The following MRPS5 variants were observed in gnomAD, a reference collection of about 807,000 sequenced individuals.
MRPS5 encodes small ribosomal subunit protein uS5m.
A neutral mutation model predicts 51.9 loss-of-function variants in MRPS5; 27 were observed. The observed-to-expected ratio is 0.52, with a 90% CI of 0.38 to 0.72. The LOEUF (loss-of-function observed/expected upper bound fraction) is 0.72. Among genes scored for constraint, MRPS5 ranks in the 30% least tolerant of loss-of-function variants. The pLI is 0.00. For missense variants in MRPS5, 570 were observed against 545.7 expected (o/e 1.04, Z -0.44); for synonymous variants, 196 against 193.2 (o/e 1.01, Z -0.12).
intron 10 of MRPS5, chr2:95,090,877 A>G (rs1336834782): frequency 4.8e-6 from 1 of 208,024 alleles, no homozygotes; most frequent in East Asian, 1.2e-4. Context: ...CCTCCTTGAT[A>G]GTTCCGTTGC....
chr2:95,119,731 T>C (rs1319657920), intron 1 of MRPS5, among the ~76,000 whole-genome samples: 1 of 151,830 alleles, frequency 6.6e-6, no homozygotes, highest in Non-Finnish European at 1.5e-5. Flanking sequence ...GAATGTAAAA[T>C]GGTGCAGCTT....
At chr2:95,107,344 A>G (rs1241186218) in intron 5 of MRPS5, among the ~76,000 whole-genome samples, 2 of 152,124 alleles carry the variant, frequency 1.3e-5, no homozygotes, top group Non-Finnish European at 2.9e-5. Context: ...CTGCGGCCAC[A>G]TCACACAACA....
intron 10 of MRPS5, among the ~76,000 whole-genome samples, chr2:95,094,827 G>A (rs1170530767): frequency 2.0e-5 from 3 of 152,078 alleles, no homozygotes; most frequent in African/African-American, 4.8e-5. Flanking sequence ...ATCAACTAAT[G>A]GGAAAAATAA....
In MRPS5 at chr2:95,109,806, G is replaced by A. The variant is rs181088301; in HGVS notation, c.403+110C>T. The A allele has an allele frequency of 4.0e-5, 49 of 1,233,366 alleles. 1 individual carries two copies. Among genetic ancestry groups the A allele is most frequent in the Middle Eastern group, 3.0e-4 (1 of 3,324 alleles). The allele number at this position is 1,233,366 out of a possible 1,614,324, so 76.4% of individuals were successfully genotyped here. A position where few individuals can be genotyped will look rare whatever the true frequency, so the allele number is the denominator to read the frequency against. On this transcript the variant is annotated intron_variant, in intron 4 of 11. Transcript: ENST00000272418. ...TGGTTGAATTCTAAAACCATAGATCGTAGTGCCCTTCATAAGAAATGTTTT... is the reference window on the plus strand; with the variant it reads ...TGGTTGAATTCTAAAACCATAGATCATAGTGCCCTTCATAAGAAATGTTTT...
intron 4 of MRPS5, among the ~76,000 whole-genome samples, chr2:95,109,119 G>T (rs1676041918): frequency 1.3e-5 from 2 of 151,880 alleles, no homozygotes; most frequent in African/African-American, 4.8e-5. Flanking sequence ...CATCCAGGGG[G>T]ACTTCAAGTT....
Position 95,087,367 on chromosome 2 carries a change from G to T in MRPS5, c.1283C>A (p.Ala428Asp). Reference protein sequence around the residue: ...KRSVWSNLKRAAT With the variant: ...KRSVWSNLKRDAT ...ACAAGGCCAGAGAGGTTACGTGGCG[G>T]CTCTCTTCAAATTAGACCACACAGA... Residue 428 changes from alanine (A) to aspartate (D), a missense_variant, in exon 12 of 12, where the codon GCC becomes GAC. Coordinates refer to ENST00000272418, the MANE Select transcript of MRPS5 (RefSeq NM_031902.5). 1.9e-6 allele frequency: 3 copies of T among 1,613,860 alleles called. No homozygotes were observed. The highest frequency in any genetic ancestry group is 2.5e-6 in the Non-Finnish European group (3 of 1,179,786).
chr2:95,114,269 T>A (rs1205264603), intron 3 of MRPS5, among the ~76,000 whole-genome samples: 1 of 151,812 alleles, frequency 6.6e-6, no homozygotes, highest in Admixed American at 6.6e-5. Flanking sequence ...TTTTTTTTTT[T>A]CTTTTGGAGA....
chr2:95,085,787 G>T lies in MRPS5; in HGVS notation c.*1570C>A, dbSNP rs1675272333. 6.6e-6 allele frequency among the ~76,000 whole-genome samples: 1 copy of T among 152,148 alleles called. No individual in the cohort carries two copies. The highest frequency in any genetic ancestry group is 2.1e-4 in the South Asian group (1 of 4,830). On this transcript the variant is annotated 3_prime_UTR_variant, in exon 12 of 12. Transcript: ENST00000272418. Reference sequence around the variant, plus strand: ...AAATAACTCCCAGAGCTTCATAACAGTGAAGATGACCAGGATACAGCCAAA... The same window carrying T: ...AAATAACTCCCAGAGCTTCATAACATTGAAGATGACCAGGATACAGCCAAA...
chr2:95,108,449 C>CTTTTGTTAAAG, intron 4 of MRPS5, 41 bp from the exon 5 acceptor site: 1 of 1,521,452 alleles, frequency 6.6e-7, no homozygotes, highest in South Asian at 1.2e-5. Flanking sequence ...TGTTAAAGTA[C>CTTTTGTTAAAG]TCATTTTTCA....
intron 2 of MRPS5, among the ~76,000 whole-genome samples, chr2:95,117,485 T>A (rs1676316876): frequency 6.7e-6 from 1 of 150,270 alleles, no homozygotes; most frequent in African/African-American, 2.4e-5. Context: ...TGCTTCTTAC[T>A]ATGTTGGAGA....
intron 11 of MRPS5, among the ~76,000 whole-genome samples, chr2:95,088,991 C>A (rs557890360): frequency 5.9e-5 from 9 of 152,230 alleles, no homozygotes; most frequent in Non-Finnish European, 1.3e-4. Context: ...CGCTTGAACC[C>A]GTGAGGCGGA....
chr2:95,091,373 C>T lies in MRPS5; in HGVS notation c.932-851G>A, dbSNP rs1298060006. On this transcript the variant is annotated intron_variant, in intron 10 of 11. Coordinates refer to ENST00000272418, the MANE Select transcript of MRPS5 (RefSeq NM_031902.5). ...CCTCTTCAGACAGGCCTTCTGTGAC[C>T]ATGCTATTCAAGGTGGCATCCTTCC... The T allele has an allele frequency of 4.6e-5, 7 of 152,858 alleles. No individual in the cohort carries two copies. The Admixed American group carries it at 4.6e-4, about 10-fold the overall frequency. The allele number at this position is 152,858 out of a possible 1,614,324, so 9.5% of individuals were successfully genotyped here.
chr2:95,097,924 G>T (rs777929219), intron 10 of MRPS5, among the ~76,000 whole-genome samples: 4 of 152,088 alleles, frequency 2.6e-5, no homozygotes, highest in Admixed American at 2.6e-4. Flanking sequence ...CTACCGAATG[G>T]GAGAAAATTT....
chr2:95,106,313 A>C, intron 6 of MRPS5, 110 bp downstream of exon 6: 1 of 876,142 alleles, frequency 1.1e-6, no homozygotes, highest in South Asian at 1.4e-5. Flanking sequence ...GTGTGTCAGA[A>C]ATAGTCATGC....
rs547323684 is a variant in MRPS5 at position 95,087,529 on chromosome 2, C to G, written c.1121G>C (p.Arg374Pro). The G allele has an allele frequency of 6.2e-6, 10 of 1,614,062 alleles. No individual in the cohort carries two copies. The Admixed American group carries it at 8.3e-5, about 13-fold the overall frequency. Residue 374 changes from arginine (R) to proline (P), a missense_variant, in exon 12 of 12, where the codon CGG (arginine) becomes CCG (proline). Transcript: ENST00000272418. ...AATGGGCAGAGGGCCACATTCCTCC[C>G]GGATTTCCACAACATGGAGGCCCTT... is the stretch of plus-strand genomic sequence containing the variant. ...DKKGLHVVEI[R>P]EECGPLPIVV...
rs1471889805 is a variant in MRPS5 at position 95,115,095 on chromosome 2, T to G, written c.248A>C (p.Gln83Pro). 9.9e-6 allele frequency: 16 copies of G among 1,610,184 alleles called. No individual in the cohort carries two copies. Among genetic ancestry groups the G allele is most frequent in the Non-Finnish European group, 1.4e-5 (16 of 1,179,032 alleles). The change falls in exon 3 of 12, where the codon CAG (glutamine) becomes CCG (proline). Residue 83 changes from glutamine (Q) to proline (P), a missense_variant. Transcript: ENST00000272418. ...AGTGAAGAAACTATATGGTCTATAC[T>G]GCTGGCTCATCAGGTGACTGGGAGA... ...ISSPSHLMSQ[Q>P]YRPYSFFTKL...
chr2:95,112,455 T>C (rs1234168783), intron 3 of MRPS5, among the ~76,000 whole-genome samples: 5 of 152,178 alleles, frequency 3.3e-5, no homozygotes, highest in Non-Finnish European at 7.3e-5. Flanking sequence ...CTCTTAATCA[T>C]GCTAAGTAAC....
intron 3 of MRPS5, among the ~76,000 whole-genome samples, chr2:95,112,138 C>T (rs1455750519): frequency 6.6e-6 from 1 of 152,116 alleles, no homozygotes; most frequent in Non-Finnish European, 1.5e-5. Flanking sequence ...GATCTCGGCT[C>T]ACTGCAACCT....
intron 11 of MRPS5, among the ~76,000 whole-genome samples, chr2:95,088,589 A>T (rs1229230281): frequency 6.6e-6 from 1 of 152,258 alleles, no homozygotes; most frequent in Non-Finnish European, 1.5e-5. Flanking sequence ...TCATAAACAA[A>T]ATAATTTATA....
Sources: gnomAD v4.1 joint callset for allele counts (sites outside exome capture counted in the v4.1 genomes callset) on GRCh38, gnomAD v4.1.1 for gene constraint, MANE v1.5 for transcripts, NCBI Gene and HGNC (gene_info 2026-07-23, HGNC 2026-07-21) for gene names.